Variants in CELF4 observed in about 807,000 individuals in gnomAD.
CELF4 encodes CUGBP Elav-like family member 4.
CELF4 carries 18 observed loss-of-function variants against 59.9 expected under a neutral mutation model. The ratio of observed to expected loss-of-function variants is 0.30; its 90% CI spans 0.21 to 0.45. The LOEUF (loss-of-function observed/expected upper bound fraction) is 0.45, where lower values mean the gene tolerates loss of function less well. Ranked by LOEUF, CELF4 falls within the 20% of genes least tolerant of loss-of-function variation. The pLI, the probability that CELF4 is intolerant of heterozygous loss-of-function variation, is 1.00. For missense variants in CELF4, 456 were observed against 689.0 expected, an observed-to-expected ratio of 0.66 and a Z score of 3.79; for synonymous variants, 261 against 267.1, an observed-to-expected ratio of 0.98 and a Z score of 0.22.
chr18:37,339,902 G>A (rs1471249640), intron 2 of CELF4, among the ~76,000 whole-genome samples: 1 of 152,144 alleles, frequency 6.6e-6, no homozygotes, highest in Non-Finnish European at 1.5e-5. Flanking sequence ...ACTTCCCAAG[G>A]TGCAGCCACT....
intron 2 of CELF4, among the ~76,000 whole-genome samples, chr18:37,336,946 G>A (rs549582275): frequency 2.0e-5 from 3 of 152,154 alleles, no homozygotes; most frequent in East Asian, 1.9e-4. Context: ...CCGAGGCTTC[G>A]GCTGCGTCCC....
intron 1 of CELF4, among the ~76,000 whole-genome samples, chr18:37,565,101 T>A (rs1178898032): frequency 6.6e-6 from 1 of 151,992 alleles, no homozygotes; most frequent in Non-Finnish European, 1.5e-5. Flanking sequence ...CCCTCTCTCT[T>A]TCTCTTCATC....
intron 1 of CELF4, among the ~76,000 whole-genome samples, chr18:37,535,111 G>T (rs1436758304): frequency 6.6e-6 from 1 of 152,168 alleles, no homozygotes; most frequent in Non-Finnish European, 1.5e-5. Context: ...CGGATGGGAG[G>T]TGGGCCTCCC....
At chr18:37,351,435 C>T (rs2098438874) in intron 2 of CELF4, among the ~76,000 whole-genome samples, 1 of 152,162 alleles carries the variant, frequency 6.6e-6, no homozygotes. Context: ...AATGACTCTA[C>T]CTGCCCTGAA....
chr18:37,496,750 A>G (rs1020098881), intron 1 of CELF4, among the ~76,000 whole-genome samples: 2 of 152,194 alleles, frequency 1.3e-5, no homozygotes, highest in African/African-American at 4.8e-5. Context: ...GATCTTGGCC[A>G]TTTAAGCCAC....
At chr18:37,530,547 C>T (rs997267494) in intron 1 of CELF4, among the ~76,000 whole-genome samples, 9 of 152,106 alleles carry the variant, frequency 5.9e-5, no homozygotes, top group African/African-American at 2.2e-4. Context: ...CTCCCCCTAC[C>T]CCCTGCCACC....
intron 3 of CELF4, among the ~76,000 whole-genome samples, chr18:37,298,866 C>A (rs548418301): frequency 1.4e-4 from 22 of 152,308 alleles, no homozygotes; most frequent in Admixed American, 3.9e-4. Context: ...ACACTGCTAA[C>A]ATGCTGTAGT....
intron 2 of CELF4, among the ~76,000 whole-genome samples, chr18:37,451,408 G>A (rs8098936): frequency 0.095 from 14,450 of 152,180 alleles, 795 homozygotes; most frequent in East Asian, 0.15. Flanking sequence ...TGTGCATGTG[G>A]TTGTGTATGC....
chr18:37,504,193 TAAG>T (rs1207114675), intron 1 of CELF4, among the ~76,000 whole-genome samples: 1 of 152,146 alleles, frequency 6.6e-6, no homozygotes, highest in African/African-American at 2.4e-5. Context: ...ATGGTATGGT[TAAG>T]AATGGGGCTT....
intron 2 of CELF4, among the ~76,000 whole-genome samples, chr18:37,449,812 G>T (rs762478340): frequency 4.6e-5 from 7 of 152,192 alleles, no homozygotes; most frequent in Admixed American, 4.6e-4. Flanking sequence ...AAGGCCCTGG[G>T]GCATGTGGGA....
chr18:37,301,887 C>T (rs1374574901), intron 3 of CELF4, among the ~76,000 whole-genome samples: 1 of 152,146 alleles, frequency 6.6e-6, no homozygotes, highest in African/African-American at 2.4e-5. Context: ...GCAGGTAGGT[C>T]TCTGGCATGG....
chr18:37,274,724 G>A lies in CELF4; in HGVS notation c.657+81C>T, dbSNP rs1301282318. On this transcript the variant is annotated intron_variant, in intron 5 of 12. Coordinates refer to ENST00000420428, the MANE Select transcript of CELF4 (RefSeq NM_020180.4). Reference sequence around the variant, plus strand: ...TGCTTTCCTGTCTCTTGGGGAGACTGGACAGCCGGCGGGGCGTGGCGGGTG... The same window carrying A: ...TGCTTTCCTGTCTCTTGGGGAGACTAGACAGCCGGCGGGGCGTGGCGGGTG... 6 of 1,521,690 alleles carry A rather than the reference G, an allele frequency of 3.9e-6. No homozygotes were observed. The East Asian group carries it at 7.4e-5, about 19-fold the overall frequency. The allele number at this position is 1,521,690 out of a possible 1,614,324, so 94.3% of individuals were successfully genotyped here.
chr18:37,328,833 G>A (rs2097427611), intron 2 of CELF4, among the ~76,000 whole-genome samples: 1 of 152,204 alleles, frequency 6.6e-6, no homozygotes, highest in South Asian at 2.1e-4. Context: ...AGAGCTCACT[G>A]TGCCCTAATC....
Position 37,253,946 on chromosome 18 carries a change from G to C in CELF4, c.1334-8C>G, listed in dbSNP as rs1568943540. On this transcript the variant is annotated splice_polypyrimidine_tract_variant and splice_region_variant and intron_variant, in intron 11 of 12. Coordinates refer to ENST00000420428, the MANE Select transcript of CELF4 (RefSeq NM_020180.4). The surrounding 1 kb of genome is among the most constrained non-coding windows in gnomAD (Gnocchi z 4.5). ...TGTCGAAGCTCACGAAGCCTGGCGA[G>C]ACACGAGGGACGAGGGCCTGGGTTT... 2 of 1,573,026 alleles carry C rather than the reference G, an allele frequency of 1.3e-6. No homozygotes were observed. Among genetic ancestry groups the C allele is most frequent in the Non-Finnish European group, 1.7e-6 (2 of 1,157,750 alleles).
intron 2 of CELF4, among the ~76,000 whole-genome samples, chr18:37,365,430 A>G (rs879779933): frequency 5.8e-5 from 3 of 51,432 alleles, no homozygotes; most frequent in Non-Finnish European, 1.1e-4. Context: ...TGGGACCTGG[A>G]TGAGGCAGAG....
chr18:37,306,307 C>T (rs1407299949), intron 3 of CELF4: 4 of 152,268 alleles, frequency 2.6e-5, no homozygotes, highest in African/African-American at 4.8e-5. Context: ...CCTGTGAAGT[C>T]GTCTTGGACT....
rs558967970 is a variant in CELF4, at chr18:37,472,371, C to T, written c.369+13154G>A. 1.8e-4 allele frequency among the ~76,000 whole-genome samples: 28 copies of T among 151,962 alleles called. 1 individual carries two copies. Among genetic ancestry groups the T allele is most frequent in the Middle Eastern group, 3.4e-3 (1 of 294 alleles). The stretch of plus-strand genomic sequence containing the variant: ...GGGAGGTTTGCTGCTACGCATCCTG[C>T]GTTGGCTGCCCTCCAGACCTGGGCA... On this transcript the variant is annotated intron_variant, in intron 2 of 12. Coordinates refer to ENST00000420428, the MANE Select transcript of CELF4 (RefSeq NM_020180.4).
intron 3 of CELF4, among the ~76,000 whole-genome samples, chr18:37,280,982 C>T (rs1374313015): frequency 6.6e-6 from 1 of 152,238 alleles, no homozygotes; most frequent in African/African-American, 2.4e-5. Flanking sequence ...GCTGCCAGAA[C>T]CTCCTGCATC....
intron 2 of CELF4, among the ~76,000 whole-genome samples, chr18:37,408,525 G>A (rs780681698): frequency 1.3e-5 from 2 of 149,860 alleles, no homozygotes; most frequent in African/African-American, 4.9e-5. Context: ...GATGTGAGAG[G>A]AGGAAGCCTG....
Sources: allele counts gnomAD v4.1 joint callset (sites outside exome capture counted in the v4.1 genomes callset), GRCh38; gene constraint gnomAD v4.1.1; non-coding constraint Gnocchi (gnomAD v3.1); transcripts MANE v1.5; gene names NCBI Gene and HGNC (gene_info 2026-07-23, HGNC 2026-07-21).